Variants in FER1L5 observed in about 807,000 individuals in gnomAD.
FER1L5 encodes the protein fer-1-like protein 5.
In FER1L5, 187 loss-of-function variants were observed where a neutral mutation model predicts 279.9. The observed-to-expected ratio is 0.67, with a 90% CI of 0.59 to 0.75. The LOEUF is 0.75. Ranked by LOEUF, FER1L5 falls within the 30% of genes least tolerant of loss-of-function variation. The probability of loss-of-function intolerance (pLI) is 0.00; values close to 1 mark genes in which losing one functional copy is unlikely to be tolerated. For synonymous variants in FER1L5, 921 were observed against 989.7 expected, an observed-to-expected ratio of 0.93 and a Z score of 1.30; for missense variants, 2,091 against 2,594.4, an observed-to-expected ratio of 0.81 and a Z score of 4.21.
Position 96,698,550 on chromosome 2 carries a change from A to G in FER1L5, c.4357-121A>G, listed in dbSNP as rs2077467989. ...GCCTCCACTGTCCTCATGGCCTTCTATCCCTGCCACCCTCAGCCCAACCCT... is the reference window on the plus strand; with the variant it reads ...GCCTCCACTGTCCTCATGGCCTTCTGTCCCTGCCACCCTCAGCCCAACCCT... On this transcript the variant is annotated intron_variant, in intron 40 of 52. Transcript: ENST00000624922. The surrounding 1 kb of genome is among the most constrained non-coding windows in gnomAD (Gnocchi z 5.5). The G allele has an allele frequency of 9.6e-6, 8 of 833,692 alleles. No individual in the cohort carries two copies. The highest frequency in any genetic ancestry group is 2.5e-5 in the Admixed American group (1 of 39,820). 51.6% of individuals were successfully genotyped at this position (833,692 alleles called of 1,614,324 possible).
At chr2:96,644,623 G>A (rs1282025307) in intron 1 of FER1L5, among the ~76,000 whole-genome samples, 1 of 152,180 alleles carries the variant, frequency 6.6e-6, no homozygotes, top group Non-Finnish European at 1.5e-5. Flanking sequence ...AGAAAACCGG[G>A]CCCAAGAGAA....
rs752091646 is a variant in FER1L5, at chr2:96,704,741, TG to T, written c.*52del. ...CTCCTGCTACCAACAGCCCTCCCCT[TG>T]GGCTGGCTACCAGTTCTTTGTTTCT... is the stretch of plus-strand genomic sequence containing the variant. On this transcript the variant is annotated 3_prime_UTR_variant, in exon 53 of 53. Transcript: ENST00000624922. 4.9e-6 allele frequency: 7 copies of T among 1,421,126 alleles called. No homozygotes were observed. Among genetic ancestry groups the T allele is most frequent in the Non-Finnish European group, 6.9e-6 (7 of 1,008,686 alleles). The allele number at this position is 1,421,126 out of a possible 1,614,324, so 88.0% of individuals were successfully genotyped here. A position where few individuals can be genotyped will look rare whatever the true frequency, so the allele number is the denominator to read the frequency against.
intron 9 of FER1L5, among the ~76,000 whole-genome samples, chr2:96,658,086 G>A (rs533233937): frequency 7.4e-4 from 111 of 150,802 alleles, no homozygotes; most frequent in African/African-American, 2.3e-3. Flanking sequence ...GCGTGATCTC[G>A]GCTCACTGCA....
At position 96,698,182 on chromosome 2, in the gene FER1L5, C is replaced by T. The variant is rs1314732602; in HGVS notation, c.4356+26C>T. On this transcript the variant is annotated intron_variant, in intron 40 of 52. Coordinates refer to ENST00000624922, the MANE Select transcript of FER1L5 (RefSeq NM_001293083.2). This position sits in a 1 kb window ranked among gnomAD's most constrained non-coding sequence, Gnocchi z 5.5. ...GTGTGTGTCCACCCCAGCTTAGCTG[C>T]CCCTGTCTCCTTGTGCACCTTCTGT... is the stretch of plus-strand genomic sequence containing the variant. 6.5e-7 allele frequency: 1 copy of T among 1,546,922 alleles called. No homozygotes were observed. The highest frequency in any genetic ancestry group is 1.4e-5 in the African/African-American group (1 of 72,914).
chr2:96,679,880 A>G (rs1044052470), intron 19 of FER1L5, among the ~76,000 whole-genome samples: 1 of 151,978 alleles, frequency 6.6e-6, no homozygotes, highest in African/African-American at 2.4e-5. Flanking sequence ...CCCGTGGACT[A>G]CTTATGTTAC....
In FER1L5 at chr2:96,703,645, G is replaced by A. The variant is rs1160819012; in HGVS notation, c.5801+13G>A. ...TTCATCCTCCCCTGTAAGGGTCCTT[G>A]GGGCAAAAGCACCAGATCTTTCTTG... On this transcript the variant is annotated intron_variant, in intron 51 of 52. Coordinates refer to ENST00000624922, the MANE Select transcript of FER1L5 (RefSeq NM_001293083.2). 3.1e-6 allele frequency: 5 copies of A among 1,612,266 alleles called. No homozygotes were observed. Among genetic ancestry groups the A allele is most frequent in the African/African-American group, 1.3e-5 (1 of 74,850 alleles).
chr2:96,661,565 C>A, intron 11 of FER1L5, 103 bp from the exon 12 acceptor site: 1 of 1,512,306 alleles, frequency 6.6e-7, no homozygotes, highest in Non-Finnish European at 9.0e-7. Flanking sequence ...CAGGGTTGTC[C>A]CATCCCCCCT....
intron 9 of FER1L5, 120 bp downstream of exon 9, chr2:96,654,616 T>C: frequency 2.6e-6 from 1 of 390,636 alleles, no homozygotes. Context: ...AGATCCAGAC[T>C]TGGCCGGGTG....
chr2:96,687,735 G>A (rs2076983463), intron 23 of FER1L5, 81 bp from the exon 24 acceptor site: 2 of 1,526,880 alleles, frequency 1.3e-6, no homozygotes, highest in Non-Finnish European at 1.8e-6. Context: ...GGAAGGGGCA[G>A]GTACAGCCCA....
Position 96,698,805 on chromosome 2 carries a change from C to T in FER1L5, c.4491C>T (p.Asn1497=). 1.9e-6 allele frequency: 3 copies of T among 1,564,750 alleles called. No individual in the cohort carries two copies. Among genetic ancestry groups the T allele is most frequent in the Non-Finnish European group, 2.6e-6 (3 of 1,154,868 alleles). Residue 1497 remains asparagine, a synonymous_variant, in exon 41 of 53, where the codon AAC becomes AAT. Coordinates refer to ENST00000624922, the MANE Select transcript of FER1L5 (RefSeq NM_001293083.2). The surrounding 1 kb of genome is among the most constrained non-coding windows in gnomAD (Gnocchi z 5.5). The part of the protein sequence containing the change: ...LVRVYMVRAI[N]LQPQDYNGLC... Reference sequence around the variant, plus strand: ...GGGTGTACATGGTACGAGCCATCAACCTGCAGCCCCAGGACTACAATGGCC... The same window carrying T: ...GGGTGTACATGGTACGAGCCATCAATCTGCAGCCCCAGGACTACAATGGCC...
At chr2:96,657,176 C>G (rs2075633102) in intron 9 of FER1L5, among the ~76,000 whole-genome samples, 1 of 151,624 alleles carries the variant, frequency 6.6e-6, no homozygotes. Flanking sequence ...CAGGTTCAAG[C>G]AATTCTCATG....
chr2:96,669,511 A>T (rs2076246666), intron 17 of FER1L5, among the ~76,000 whole-genome samples: 1 of 152,204 alleles, frequency 6.6e-6, no homozygotes, highest in South Asian at 2.1e-4. Flanking sequence ...AACCCAGGGA[A>T]AAACAAGAGC....
In FER1L5 at chr2:96,647,711, G is replaced by T. The variant is rs534047381; in HGVS notation, c.231-67G>T. 39 of 1,200,462 alleles carry T rather than the reference G, an allele frequency of 3.2e-5. No individual in the cohort carries two copies. The African/African-American group carries it at 5.6e-4, about 17-fold the overall frequency. The allele number at this position is 1,200,462 out of a possible 1,614,324, so 74.4% of individuals were successfully genotyped here. On this transcript the variant is annotated intron_variant, in intron 3 of 52. Coordinates refer to ENST00000624922, the MANE Select transcript of FER1L5 (RefSeq NM_001293083.2). ...GGAAACCGTCTCTAGCTAAAGCCCT[G>T]CCCGGGAGAGAAGAGGACACTCTTT... is the stretch of plus-strand genomic sequence containing the variant.
chr2:96,694,490 G>A lies in FER1L5; in HGVS notation c.3741+26G>A, dbSNP rs1375182754. 5 of 1,520,868 alleles carry A rather than the reference G, an allele frequency of 3.3e-6. No individual in the cohort carries two copies. The highest frequency in any genetic ancestry group is 4.4e-6 in the Non-Finnish European group (5 of 1,127,490). 94.2% of individuals were successfully genotyped at this position (1,520,868 alleles called of 1,614,324 possible). A position where few individuals can be genotyped will look rare whatever the true frequency, so the allele number is the denominator to read the frequency against. The stretch of plus-strand genomic sequence containing the variant: ...GTGCTGGCGATGTGGGATGGGGACG[G>A]TGGGCAGGACAGGCGGGGGTGGTCT... On this transcript the variant is annotated intron_variant, in intron 34 of 52. Transcript: ENST00000624922. The surrounding 1 kb of genome is among the most constrained non-coding windows in gnomAD (Gnocchi z 4.6).
chr2:96,648,870 T>C (rs543631961), intron 4 of FER1L5, among the ~76,000 whole-genome samples: 1 of 152,354 alleles, frequency 6.6e-6, no homozygotes, highest in Admixed American at 6.5e-5. Context: ...TTTATCGGGA[T>C]GTGATCCCAT....
In FER1L5 at chr2:96,691,894, C is replaced by G; in HGVS notation, c.3145C>G (p.Gln1049Glu). 2 of 1,551,386 alleles carry G rather than the reference C, an allele frequency of 1.3e-6. No homozygotes were observed. The highest frequency in any genetic ancestry group is 8.7e-7 in the Non-Finnish European group (1 of 1,146,972). Reference protein sequence around the residue: ...SKTWPWGLDRQFRDPQRQDTR... With the variant: ...SKTWPWGLDREFRDPQRQDTR... ...GACATGGCCATGGGGTCTGGACAGA[C>G]AGTTCAGGGACCCCCAGAGGCAGGA... Residue 1049 changes from glutamine to glutamate, a missense_variant, in exon 30 of 53, where the codon CAG (glutamine) becomes GAG (glutamate). Transcript: ENST00000624922. This position sits in a 1 kb window ranked among gnomAD's most constrained non-coding sequence, Gnocchi z 6.0.
chr2:96,686,975 A>G (rs1217351737), intron 23 of FER1L5, among the ~76,000 whole-genome samples: 1 of 152,136 alleles, frequency 6.6e-6, no homozygotes, highest in Non-Finnish European at 1.5e-5. Flanking sequence ...GTGATCTCCA[A>G]AATATTTAAT....
At chr2:96,654,917 A>T (rs1320516004) in intron 9 of FER1L5, 1 of 148,262 alleles carries the variant, frequency 6.7e-6, no homozygotes, top group Non-Finnish European at 1.5e-5. Flanking sequence ...AAAAAAAAAA[A>T]AGAAGAAGAA....
chr2:96,681,669 T>C (rs944739373), intron 19 of FER1L5, among the ~76,000 whole-genome samples: 1 of 152,188 alleles, frequency 6.6e-6, no homozygotes, highest in Admixed American at 6.5e-5. Flanking sequence ...CCAGATGACA[T>C]AGGGTATAGT....
Sources: allele counts gnomAD v4.1 joint callset (sites outside exome capture counted in the v4.1 genomes callset), GRCh38; gene constraint gnomAD v4.1.1; non-coding constraint Gnocchi (gnomAD v3.1); transcripts MANE v1.5; gene names NCBI Gene and HGNC (gene_info 2026-07-23, HGNC 2026-07-21).